DSCAM: variants seen among roughly 807,000 people sequenced by gnomAD.
DSCAM encodes cell adhesion molecule DSCAM.
Under a neutral mutation model 217.7 loss-of-function variants are expected in DSCAM, and 47 were observed. The observed-to-expected ratio is 0.22, with a 90% CI of 0.17 to 0.28. DSCAM has a LOEUF of 0.28. DSCAM is among the 10% of genes least tolerant of loss of function. The probability of loss-of-function intolerance (pLI) is 1.00; values close to 1 mark genes in which losing one functional copy is unlikely to be tolerated. For missense variants in DSCAM, 2,080 were observed against 2,618.3 expected, an observed-to-expected ratio of 0.79 and a Z score of 4.49; for synonymous variants, 1,056 against 1,015.3, an observed-to-expected ratio of 1.04 and a Z score of -0.76.
At chr21:40,289,284 C>G (rs2073863324) in intron 10 of DSCAM, among the ~76,000 whole-genome samples, 1 of 152,142 alleles carries the variant, frequency 6.6e-6, no homozygotes, top group African/African-American at 2.4e-5. Flanking sequence ...TCAGAAGTCC[C>G]AGCAGAGTGG....
At chr21:40,489,836 T>G (rs1445737521) in intron 3 of DSCAM, among the ~76,000 whole-genome samples, 1 of 138,038 alleles carries the variant, frequency 7.2e-6, no homozygotes, top group Non-Finnish European at 1.6e-5. Context: ...CAGAGAACCC[T>G]AAGACATCTT....
chr21:40,153,687 A>G (rs571596184), intron 16 of DSCAM, among the ~76,000 whole-genome samples: 2 of 152,140 alleles, frequency 1.3e-5, no homozygotes, highest in African/African-American at 4.8e-5. Flanking sequence ...CTGGGGACCC[A>G]CTCAGAGTTC....
chr21:40,347,553 G>T, intron 6 of DSCAM, 117 bp downstream of exon 6: 1 of 1,377,322 alleles, frequency 7.3e-7, no homozygotes, highest in Non-Finnish European at 1.0e-6. Flanking sequence ...GTACTAGCTG[G>T]TGAGACAGAG....
At chr21:40,200,527 A>T in intron 11 of DSCAM, among the ~76,000 whole-genome samples, 1 of 152,214 alleles carries the variant, frequency 6.6e-6, no homozygotes, top group East Asian at 1.9e-4. Flanking sequence ...ATGTGTACAC[A>T]GCATTTTTTT....
chr21:40,684,008 C>T (rs1314924940), intron 3 of DSCAM, among the ~76,000 whole-genome samples: 2 of 151,590 alleles, frequency 1.3e-5, no homozygotes, highest in East Asian at 2.0e-4. Flanking sequence ...GGGCAGATCA[C>T]GAGGTCAGGA....
chr21:40,634,870 C>T (rs942952354), intron 3 of DSCAM, among the ~76,000 whole-genome samples: 14 of 152,200 alleles, frequency 9.2e-5, no homozygotes, highest in Admixed American at 6.5e-5. Flanking sequence ...ACAGCCTCAA[C>T]CTACTATCAC....
chr21:40,376,362 C>G (rs1260646886), intron 3 of DSCAM, among the ~76,000 whole-genome samples: 1 of 149,930 alleles, frequency 6.7e-6, no homozygotes, highest in Non-Finnish European at 1.5e-5. Flanking sequence ...ATCCTCTTAG[C>G]ATTAACTAAA....
rs1466731398 is a variant in DSCAM, at chr21:40,360,132, T to G, written c.656-6389A>C. Among the ~76,000 whole-genome samples, 42 of 134,644 alleles carry G rather than the reference T, an allele frequency of 3.1e-4. 1 individual carries two copies. The highest frequency in any genetic ancestry group is 1.2e-3 in the African/African-American group (41 of 35,448). The allele number at this position is 134,644 out of a possible 152,430, so 88.3% of individuals were successfully genotyped here. ...GTACTTCATAGGTAGTCTTTTTTTT[T>G]TTTTTTTTTTTTTTTTTGAGACAGA... is the stretch of plus-strand genomic sequence containing the variant. On this transcript the variant is annotated intron_variant, in intron 4 of 32. Coordinates refer to ENST00000400454, the MANE Select transcript of DSCAM (RefSeq NM_001389.5).
chr21:40,638,891 A>T (rs1438630051), intron 3 of DSCAM, among the ~76,000 whole-genome samples: 1 of 144,060 alleles, frequency 6.9e-6, no homozygotes, highest in Non-Finnish European at 1.6e-5. Context: ...GGGTATTTTT[A>T]AAAATAGAAG....
chr21:40,049,074 A>T (rs898681337), intron 30 of DSCAM, among the ~76,000 whole-genome samples: 1 of 152,206 alleles, frequency 6.6e-6, no homozygotes, highest in African/African-American at 2.4e-5. Flanking sequence ...AGACTGATGC[A>T]TGCATTTGAG....
intron 6 of DSCAM, among the ~76,000 whole-genome samples, chr21:40,340,871 G>A (rs1455883675): frequency 2.0e-5 from 3 of 152,176 alleles, no homozygotes; most frequent in Non-Finnish European, 4.4e-5. Flanking sequence ...ACACCTTTGA[G>A]GAAAGTGCCA....
At chr21:40,138,201 G>C (rs1219652562) in intron 18 of DSCAM, among the ~76,000 whole-genome samples, 1 of 151,870 alleles carries the variant, frequency 6.6e-6, no homozygotes, top group Non-Finnish European at 1.5e-5. Flanking sequence ...AATTACAGTG[G>C]TAGTAACAAT....
At chr21:40,556,779 C>T (rs978049791) in intron 3 of DSCAM, among the ~76,000 whole-genome samples, 17 of 152,268 alleles carry the variant, frequency 1.1e-4, no homozygotes, top group African/African-American at 3.4e-4. Context: ...ACCCCCATGA[C>T]GCAATACCTC....
intron 30 of DSCAM, among the ~76,000 whole-genome samples, chr21:40,047,121 C>A (rs556454490): frequency 6.6e-6 from 1 of 152,002 alleles, no homozygotes; most frequent in Non-Finnish European, 1.5e-5. Context: ...TTCTGTACTG[C>A]GCTAGGCAGG....
intron 3 of DSCAM, among the ~76,000 whole-genome samples, chr21:40,446,587 C>A (rs1484463550): frequency 6.6e-6 from 1 of 152,118 alleles, no homozygotes; most frequent in Non-Finnish European, 1.5e-5. Flanking sequence ...AATATTAAAA[C>A]CAGCAAAAAA....
rs564604063 is a variant in DSCAM at position 40,291,214 on chromosome 21, G to A, written c.2182+4841C>T. Among the ~76,000 whole-genome samples the A allele has an allele frequency of 3.3e-5, 5 of 152,286 alleles. No homozygotes were observed. The South Asian group carries it at 8.3e-4, about 25-fold the overall frequency. ...CCTCCACTGCAGTCACCCTGGTTCC[G>A]GCCACATCCCGGCCAAGGCCTTAGA... is the stretch of plus-strand genomic sequence containing the variant. On this transcript the variant is annotated intron_variant, in intron 10 of 32. Transcript: ENST00000400454.
At chr21:40,623,101 A>C (rs755898847) in intron 3 of DSCAM, among the ~76,000 whole-genome samples, 15 of 152,338 alleles carry the variant, frequency 9.8e-5, no homozygotes, top group Non-Finnish European at 1.2e-4. Flanking sequence ...CCTGTCCAGC[A>C]GAATGGATGT....
At chr21:40,072,670 G>A (rs1159922778) in intron 27 of DSCAM, among the ~76,000 whole-genome samples, 2 of 152,240 alleles carry the variant, frequency 1.3e-5, no homozygotes, top group East Asian at 3.9e-4. Context: ...TTCTTGATTT[G>A]AGAGAACCCT....
At chr21:40,210,479 C>G (rs898518953) in intron 11 of DSCAM, among the ~76,000 whole-genome samples, 3 of 152,188 alleles carry the variant, frequency 2.0e-5, no homozygotes, top group Non-Finnish European at 4.4e-5. Context: ...ATATCAGAGC[C>G]AGGAAACCCA....
Sources: allele counts gnomAD v4.1 joint callset (sites outside exome capture counted in the v4.1 genomes callset), GRCh38; gene constraint gnomAD v4.1.1; transcripts MANE v1.5; gene names NCBI Gene and HGNC (gene_info 2026-07-23, HGNC 2026-07-21).